The following SBF2 variants were observed in gnomAD, a reference collection of about 807,000 sequenced individuals.
SBF2 encodes the protein SET binding factor 2.
SBF2 carries 112 observed loss-of-function variants against 225.2 expected under a neutral mutation model. The observed-to-expected ratio is 0.50, with a 90% CI of 0.43 to 0.58. The LOEUF (loss-of-function observed/expected upper bound fraction) is 0.58. SBF2 is among the 20% of genes least tolerant of loss of function. The pLI is 0.00. For missense variants in SBF2, 1,996 were observed against 2,206.2 expected (o/e 0.90, Z 1.91); for synonymous variants, 763 against 773.3 (o/e 0.99, Z 0.22).
intron 16 of SBF2, among the ~76,000 whole-genome samples, chr11:9,897,515 T>C (rs1449690735): frequency 2.0e-5 from 3 of 152,096 alleles, no homozygotes; most frequent in Non-Finnish European, 2.9e-5. Context: ...GCCCGGCGGA[T>C]AGATATTTTC....
chr11:9,876,523 TCTCTCTCC>T (rs1327489185), intron 17 of SBF2, among the ~76,000 whole-genome samples: 1 of 152,156 alleles, frequency 6.6e-6, no homozygotes, highest in Non-Finnish European at 1.5e-5. Flanking sequence ...GCTCTTGCTC[TCTCTCTCC>T]CTCTCTCCCC....
intron 1 of SBF2, among the ~76,000 whole-genome samples, chr11:10,221,890 T>C (rs997576688): frequency 5.9e-5 from 9 of 152,316 alleles, no homozygotes; most frequent in South Asian, 4.1e-4. Context: ...CCCACTGTTT[T>C]ACTATCTTGA....
At chr11:10,037,946 A>G (rs1949509125) in intron 3 of SBF2, among the ~76,000 whole-genome samples, 1 of 151,952 alleles carries the variant, frequency 6.6e-6, no homozygotes, top group African/African-American at 2.4e-5. Context: ...ATTATATGAT[A>G]CTATGTTTAA....
intron 16 of SBF2, chr11:9,956,830 C>T (rs537067288): frequency 6.6e-6 from 1 of 152,172 alleles, no homozygotes; most frequent in South Asian, 2.1e-4. Flanking sequence ...GTAGTCTTAA[C>T]AAAAGAATGG....
In SBF2 at chr11:10,143,955, G is replaced by A. The variant is rs867728006; in HGVS notation, c.141+49947C>T. Among the ~76,000 whole-genome samples, 4 of 152,004 alleles carry A rather than the reference G, an allele frequency of 2.6e-5. No homozygotes were observed. The South Asian group carries it at 6.2e-4, about 24-fold the overall frequency. On this transcript the variant is annotated intron_variant, in intron 2 of 39. Transcript: ENST00000256190. ...AGGATGGTCTCGATCTCCTGACCTCGTGATCCGCCCGTCTCGGCCTCCCAA... is the reference window on the plus strand; with the variant it reads ...AGGATGGTCTCGATCTCCTGACCTCATGATCCGCCCGTCTCGGCCTCCCAA...
intron 1 of SBF2, among the ~76,000 whole-genome samples, chr11:10,299,556 G>A (rs1306829900): frequency 1.3e-5 from 2 of 152,180 alleles, no homozygotes; most frequent in African/African-American, 2.4e-5. Context: ...AAATGAAAAT[G>A]TAGGACTGCC....
chr11:9,940,362 G>A (rs564941799), intron 16 of SBF2, among the ~76,000 whole-genome samples: 29 of 152,034 alleles, frequency 1.9e-4, no homozygotes, highest in Middle Eastern at 3.4e-3. Flanking sequence ...CCAAGATCGC[G>A]CCACTGCACT....
intron 1 of SBF2, among the ~76,000 whole-genome samples, chr11:10,227,266 T>C (rs1958613779): frequency 6.6e-6 from 1 of 152,220 alleles, no homozygotes; most frequent in African/African-American, 2.4e-5. Flanking sequence ...TCCCATTCTG[T>C]AGGTTGCCTG....
chr11:10,057,061 G>A (rs1045380144), intron 2 of SBF2, among the ~76,000 whole-genome samples: 1 of 152,334 alleles, frequency 6.6e-6, no homozygotes, highest in South Asian at 2.1e-4. Flanking sequence ...CTCCCAGAGG[G>A]AGAAACACGC....
intron 1 of SBF2, among the ~76,000 whole-genome samples, chr11:10,272,969 C>G (rs780728498): frequency 6.6e-6 from 1 of 151,352 alleles, no homozygotes; most frequent in South Asian, 2.1e-4. Context: ...ACTGTGGAGG[C>G]TGAGGCAGGA....
chr11:10,243,771 G>A (rs972308044), intron 1 of SBF2, among the ~76,000 whole-genome samples: 3 of 151,850 alleles, frequency 2.0e-5, no homozygotes, highest in Non-Finnish European at 4.4e-5. Flanking sequence ...AGGCCAAAAA[G>A]ACCAATAACA....
intron 2 of SBF2, among the ~76,000 whole-genome samples, chr11:10,132,274 C>CAAAGCTCCT (rs1452470010): frequency 1.7e-4 from 26 of 152,278 alleles, no homozygotes; most frequent in Non-Finnish European, 3.5e-4. Flanking sequence ...GGTTCTAACA[C>CAAAGCTCCT]AAAGCTCCTA....
intron 16 of SBF2, among the ~76,000 whole-genome samples, chr11:9,896,548 T>C (rs1340701678): frequency 1.3e-5 from 2 of 152,132 alleles, no homozygotes; most frequent in Non-Finnish European, 2.9e-5. Context: ...TCCCAGCACT[T>C]TGGGAGGCTG....
chr11:10,170,650 TA>T (rs1266752667), intron 2 of SBF2, among the ~76,000 whole-genome samples: 2 of 152,136 alleles, frequency 1.3e-5, no homozygotes, highest in Admixed American at 1.3e-4. Flanking sequence ...TGCCTCCATA[TA>T]AACTTTAGAA....
At chr11:10,296,342 AGAG>A (rs753377131), upstream of SBF2, among the ~76,000 whole-genome samples, 1 of 152,198 alleles carries the variant, frequency 6.6e-6, no homozygotes, top group Non-Finnish European at 1.5e-5. Flanking sequence ...TAATTTATAA[AGAG>A]AAGAGGTTTA....
chr11:10,162,244 T>C (rs12293757), intron 2 of SBF2, among the ~76,000 whole-genome samples: 1 of 151,724 alleles, frequency 6.6e-6, no homozygotes, highest in African/African-American at 2.4e-5. Context: ...TATTCCATTA[T>C]AGTTTGAGCA....
At chr11:10,200,527 G>C (rs1425298580) in intron 1 of SBF2, among the ~76,000 whole-genome samples, 1 of 152,102 alleles carries the variant, frequency 6.6e-6, no homozygotes, top group East Asian at 1.9e-4. Context: ...AATGAAACAT[G>C]TAAATCCCTT....
chr11:9,999,279 CTGTATGTATGTATGTATGTATGTATGTA>C (rs3073236), intron 8 of SBF2, among the ~76,000 whole-genome samples: 4 of 146,754 alleles, frequency 2.7e-5, no homozygotes, highest in East Asian at 4.0e-4. Flanking sequence ...CCTCCAGTGA[CTGTATGTATGTATGTATGTATGTATGTA>C]TGTATGTATG....
intron 2 of SBF2, among the ~76,000 whole-genome samples, chr11:10,087,928 T>C (rs373024493): frequency 1.5e-4 from 23 of 152,298 alleles, no homozygotes; most frequent in African/African-American, 5.5e-4. Flanking sequence ...TTGTTGCAGG[T>C]GTTTTTTGAG....
Sources: allele counts gnomAD v4.1 joint callset (sites outside exome capture counted in the v4.1 genomes callset), GRCh38; gene constraint gnomAD v4.1.1; transcripts MANE v1.5; gene names NCBI Gene and HGNC (gene_info 2026-07-23, HGNC 2026-07-21).